SLC41A3: variants seen among roughly 807,000 people sequenced by gnomAD.
The protein encoded by SLC41A3 is solute carrier family 41 member 3, also known as SLC41A1-like 2.
SLC41A3 carries 44 observed loss-of-function variants against 45.4 expected under a neutral mutation model. The observed-to-expected ratio is 0.97, with a 90% CI of 0.76 to 1.25. The LOEUF (loss-of-function observed/expected upper bound fraction) is 1.25, where lower values mean the gene tolerates loss of function less well. Among genes scored for constraint, SLC41A3 ranks in the 50% most tolerant of loss-of-function variants. The pLI is 0.00. For synonymous variants in SLC41A3, 256 were observed against 252.4 expected (o/e 1.01, Z -0.13); for missense variants, 550 against 600.6 (o/e 0.92, Z 0.88).
chr3:126,031,234 A>C (rs1941773524), intron 4 of SLC41A3, among the ~76,000 whole-genome samples: 1 of 152,232 alleles, frequency 6.6e-6, no homozygotes, highest in Non-Finnish European at 1.5e-5. Flanking sequence ...TCAAATATTA[A>C]TGGTAGGGCT....
At chr3:126,025,860 G>A (rs1326017313) in intron 5 of SLC41A3, 2 of 153,774 alleles carry the variant, frequency 1.3e-5, no homozygotes, top group African/African-American at 4.8e-5. Flanking sequence ...AGACAGGTTA[G>A]AAAGGCCTCT....
At chr3:126,015,713 T>G in intron 7 of SLC41A3, 140 bp from the exon 8 acceptor site, 1 of 785,360 alleles carries the variant, frequency 1.3e-6, no homozygotes, top group East Asian at 2.7e-5. Flanking sequence ...AAATATCTGC[T>G]GCGGCCAAAC....
At chr3:126,036,181 C>T (rs572286104) in intron 3 of SLC41A3, among the ~76,000 whole-genome samples, 7 of 152,382 alleles carry the variant, frequency 4.6e-5, no homozygotes, top group East Asian at 1.9e-4. Context: ...TTATTGTCTA[C>T]GTAAAACAGC....
In SLC41A3 at chr3:126,034,817, C is replaced by G. The variant is rs114947046; in HGVS notation, c.382-1139G>C. On this transcript the variant is annotated intron_variant, in intron 3 of 10. Transcript: ENST00000360370. ...GATCTTATCAGATAAGGGACTTGTG[C>G]TGGCCCATATGATTTCTGAGTATGA... Among the ~76,000 whole-genome samples the G allele has an allele frequency of 4.4e-3, 677 of 152,360 alleles. 4 individuals are homozygous for G. Among genetic ancestry groups the G allele is most frequent in the African/African-American group, 0.016 (654 of 41,584 alleles).
intron 6 of SLC41A3, 152 bp downstream of exon 6, chr3:126,022,634 G>T: frequency 1.0e-6 from 1 of 953,200 alleles, no homozygotes; most frequent in Non-Finnish European, 1.6e-6. Flanking sequence ...CCAAGTTAGG[G>T]GTTAAGTTTC....
intron 3 of SLC41A3, among the ~76,000 whole-genome samples, chr3:126,043,509 T>A (rs6789129): frequency 0.65 from 99,020 of 151,906 alleles, 33,377 homozygotes; most frequent in East Asian, 0.82. Flanking sequence ...ATTGTATTAT[T>A]TTAAAATTGG....
chr3:126,056,843 G>C, intron 2 of SLC41A3: 1 of 1,229,366 alleles, frequency 8.1e-7, no homozygotes, highest in East Asian at 3.8e-5. Context: ...GACAGTGGCT[G>C]TGTGTCCGCC....
At chr3:126,059,794 G>T (rs151217165) in intron 2 of SLC41A3, among the ~76,000 whole-genome samples, 2 of 152,192 alleles carry the variant, frequency 1.3e-5, no homozygotes, top group Non-Finnish European at 2.9e-5. Context: ...CCTGGTTAAA[G>T]ACAGAGTCCT....
chr3:126,048,750 G>C (rs1036848952), intron 3 of SLC41A3, among the ~76,000 whole-genome samples: 1 of 152,192 alleles, frequency 6.6e-6, no homozygotes, highest in Non-Finnish European at 1.5e-5. Flanking sequence ...GGCCGGTATG[G>C]AGTAGGGGAG....
intron 4 of SLC41A3, among the ~76,000 whole-genome samples, chr3:126,027,263 C>CA (rs557732775): frequency 2.3e-5 from 3 of 130,428 alleles, no homozygotes; most frequent in Admixed American, 8.1e-5. Context: ...CCCCACCCCC[C>CA]ACCCTGTCCC....
Position 126,026,564 on chromosome 3 carries a change from G to T in SLC41A3, c.454-85C>A. 2 of 1,506,908 alleles carry T rather than the reference G, an allele frequency of 1.3e-6. No homozygotes were observed. The highest frequency in any genetic ancestry group is 1.8e-6 in the Non-Finnish European group (2 of 1,115,690). 93.3% of individuals were successfully genotyped at this position (1,506,908 alleles called of 1,614,324 possible). A position where few individuals can be genotyped will look rare whatever the true frequency, so the allele number is the denominator to read the frequency against. On this transcript the variant is annotated intron_variant, in intron 4 of 10. Coordinates refer to ENST00000360370, the MANE Select transcript of SLC41A3 (RefSeq NM_017836.4). The surrounding 1 kb of genome is among the most constrained non-coding windows in gnomAD (Gnocchi z 4.2). The stretch of plus-strand genomic sequence containing the variant: ...CCCTTCACACCTCACTCACCGCAAG[G>T]GGCCGGGTGCCACATGCTACTGCCT...
chr3:126,072,049 A>T (rs1944644720), intron 1 of SLC41A3, among the ~76,000 whole-genome samples: 1 of 152,186 alleles, frequency 6.6e-6, no homozygotes, highest in African/African-American at 2.4e-5. Flanking sequence ...TGCTAGGATT[A>T]CAGGCATGAG....
At chr3:126,070,548 C>T (rs904108170) in intron 1 of SLC41A3, 3 of 152,300 alleles carry the variant, frequency 2.0e-5, no homozygotes, top group Non-Finnish European at 2.9e-5. Context: ...AGATTAACAG[C>T]TCATTTTTCA....
chr3:126,048,690 G>C (rs949537707), intron 3 of SLC41A3, among the ~76,000 whole-genome samples: 7 of 152,058 alleles, frequency 4.6e-5, no homozygotes, highest in African/African-American at 1.5e-4. Flanking sequence ...AGTCACATAC[G>C]GGAGTTGAAG....
At chr3:126,054,224 T>C (rs1315905397) in intron 2 of SLC41A3, among the ~76,000 whole-genome samples, 2 of 152,124 alleles carry the variant, frequency 1.3e-5, no homozygotes, top group Non-Finnish European at 2.9e-5. Context: ...CACAGGCATA[T>C]GTCAAGAACA....
intron 10 of SLC41A3, among the ~76,000 whole-genome samples, chr3:126,007,911 G>T (rs1001054837): frequency 2.0e-5 from 3 of 152,242 alleles, no homozygotes; most frequent in African/African-American, 7.2e-5. Context: ...CCATCAGCCC[G>T]CTGCAGTCTA....
At chr3:126,056,290 G>GGAGGTGC in intron 2 of SLC41A3, 1 of 1,563,448 alleles carries the variant, frequency 6.4e-7, no homozygotes, top group South Asian at 1.2e-5. Context: ...AGCCTGCCCT[G>GGAGGTGC]TCTGTGGTGC....
intron 3 of SLC41A3, among the ~76,000 whole-genome samples, chr3:126,044,895 CAAAAAAAA>C (rs57581225): frequency 8.5e-5 from 7 of 82,718 alleles, no homozygotes; most frequent in African/African-American, 1.8e-4. Flanking sequence ...GACTCCATCT[CAAAAAAAA>C]AAAAAAAAAA....
At chr3:126,080,556 T>C (rs974891352) in intron 1 of SLC41A3, among the ~76,000 whole-genome samples, 7 of 152,196 alleles carry the variant, frequency 4.6e-5, no homozygotes, top group African/African-American at 1.7e-4. Flanking sequence ...CAGGGAATAA[T>C]GGACACTGGT....
Sources: gnomAD v4.1 joint callset for allele counts (sites outside exome capture counted in the v4.1 genomes callset) on GRCh38, gnomAD v4.1.1 for gene constraint, Gnocchi (gnomAD v3.1) non-coding constraint, MANE v1.5 for transcripts, NCBI Gene and HGNC (gene_info 2026-07-23, HGNC 2026-07-21) for gene names.